The following TNRC6B variants were observed in gnomAD, a reference collection of about 807,000 sequenced individuals.
The protein encoded by TNRC6B is trinucleotide repeat-containing gene 6B protein.
Under a neutral mutation model 203.6 loss-of-function variants are expected in TNRC6B, and 52 were observed. The observed-to-expected ratio is 0.26, with a 90% CI of 0.20 to 0.32. The LOEUF (loss-of-function observed/expected upper bound fraction) is 0.32. TNRC6B is among the 10% of genes least tolerant of loss of function. The pLI, the probability that TNRC6B is intolerant of heterozygous loss-of-function variation, is 1.00. For missense variants in TNRC6B, 1,923 were observed against 2,286.2 expected (o/e 0.84, Z 3.24); for synonymous variants, 838 against 845.7 (o/e 0.99, Z 0.16).
At chr22:40,234,372 T>G (rs2069920606) in intron 1 of TNRC6B, among the ~76,000 whole-genome samples, 1 of 152,276 alleles carries the variant, frequency 6.6e-6, no homozygotes, top group African/African-American at 2.4e-5. Flanking sequence ...TTGATATTAA[T>G]GAGATTTTAA....
rs563789790 is a variant in TNRC6B at position 40,251,065 on chromosome 22, A to G, written c.94-114A>G. 3.9e-6 allele frequency: 3 copies of G among 772,266 alleles called. No individual in the cohort carries two copies. In the South Asian group the frequency reaches 7.1e-5, roughly 18 times the overall value. 47.8% of individuals were successfully genotyped at this position (772,266 alleles called of 1,614,324 possible). ...CAGCTCCTTTTTCTGGATTTCAGCT[A>G]TGCCTGTGTGCCTGACAGCTTGGAT... On this transcript the variant is annotated intron_variant, in intron 2 of 22. Transcript: ENST00000454349.
chr22:40,100,620 A>G (rs1037297685), intron 1 of TNRC6B, among the ~76,000 whole-genome samples: 2 of 152,216 alleles, frequency 1.3e-5, no homozygotes, highest in African/African-American at 4.8e-5. Context: ...TCCTAGCCTC[A>G]GGCGATTCTC....
At chr22:40,163,446 G>T (rs1231047545) in intron 4 of TNRC6B, among the ~76,000 whole-genome samples, 2 of 74,084 alleles carry the variant, frequency 2.7e-5, no homozygotes, top group Non-Finnish European at 5.1e-5. Context: ...GACAGAATGA[G>T]ACCCTGTCTC....
intron 12 of TNRC6B, among the ~76,000 whole-genome samples, chr22:40,294,455 C>G (rs549454986): frequency 6.6e-6 from 1 of 152,282 alleles, no homozygotes; most frequent in African/African-American, 2.4e-5. Flanking sequence ...TGGATTAGGG[C>G]CCACCCTAAT....
chr22:40,250,542 A>G (rs1569037969), intron 2 of TNRC6B, among the ~76,000 whole-genome samples: 2 of 152,102 alleles, frequency 1.3e-5, no homozygotes, highest in African/African-American at 2.4e-5. Context: ...ATGCTATTTT[A>G]TATAAGTGTT....
chr22:40,160,463 T>G, intron 4 of TNRC6B, among the ~76,000 whole-genome samples: 1 of 113,662 alleles, frequency 8.8e-6, no homozygotes, highest in African/African-American at 4.1e-5. Flanking sequence ...GCAACAAGAG[T>G]GAAACTCCGT....
intron 1 of TNRC6B, among the ~76,000 whole-genome samples, chr22:40,202,826 G>C (rs1390219878): frequency 6.6e-6 from 1 of 152,110 alleles, no homozygotes; most frequent in Non-Finnish European, 1.5e-5. Flanking sequence ...TTACCTCAGA[G>C]TCTGCACTAC....
intron 7 of TNRC6B, among the ~76,000 whole-genome samples, chr22:40,275,081 A>G (rs977096745): frequency 1.3e-5 from 2 of 152,184 alleles, no homozygotes; most frequent in Non-Finnish European, 2.9e-5. Context: ...CCCTTTGCCT[A>G]TAGGACACTA....
At chr22:40,296,436 A>G (rs2070942949) in intron 12 of TNRC6B, among the ~76,000 whole-genome samples, 1 of 146,200 alleles carries the variant, frequency 6.8e-6, no homozygotes, top group Non-Finnish European at 1.5e-5. Context: ...GGTTCATGCC[A>G]TTCTCCTGCC....
intron 15 of TNRC6B, among the ~76,000 whole-genome samples, chr22:40,303,379 T>A (rs1331935572): frequency 6.6e-6 from 1 of 152,166 alleles, no homozygotes; most frequent in African/African-American, 2.4e-5. Flanking sequence ...TACACATATA[T>A]ACGTATTTAC....
Position 40,318,358 on chromosome 22 carries a change from T to C in TNRC6B, c.4974+2346T>C, listed in dbSNP as rs546851635. 1.8e-4 allele frequency among the ~76,000 whole-genome samples: 27 copies of C among 152,126 alleles called. No individual in the cohort carries two copies. In the South Asian group the frequency reaches 3.7e-3, roughly 21 times the overall value. On this transcript the variant is annotated intron_variant, in intron 21 of 22. Transcript: ENST00000454349. ...GTCAGGCAATCGAGACCATCCTGGC[T>C]AACATGGTGAAACCCCATCTTTACT... is the stretch of plus-strand genomic sequence containing the variant.
chr22:40,321,643 A>C, intron 22 of TNRC6B: 1 of 170,166 alleles, frequency 5.9e-6, no homozygotes, highest in South Asian at 1.5e-4. Flanking sequence ...AAAATCAGCC[A>C]GGCGTGGGGG....
intron 1 of TNRC6B, among the ~76,000 whole-genome samples, chr22:40,244,422 G>T (rs909416534): frequency 7.2e-5 from 11 of 151,870 alleles, no homozygotes; most frequent in Non-Finnish European, 1.6e-4. Flanking sequence ...TTTGAATGCA[G>T]ACAAAGTCAG....
intron 1 of TNRC6B, among the ~76,000 whole-genome samples, chr22:40,056,136 A>G (rs2067793275): frequency 6.6e-6 from 1 of 152,010 alleles, no homozygotes; most frequent in Admixed American, 6.6e-5. Flanking sequence ...CATCCACCCC[A>G]TCTCTAGCCA....
At chr22:40,247,827 T>C (rs2070129377) in intron 2 of TNRC6B, among the ~76,000 whole-genome samples, 1 of 152,158 alleles carries the variant, frequency 6.6e-6, no homozygotes, top group Non-Finnish European at 1.5e-5. Flanking sequence ...CCCAACACTT[T>C]GGGAGGCCAA....
At chr22:40,277,274 GTTCTTGAC>G in intron 8 of TNRC6B, 123 bp downstream of exon 8, 1 of 611,958 alleles carries the variant, frequency 1.6e-6, no homozygotes, top group Admixed American at 3.8e-5. Flanking sequence ...GTTAAGCAAT[GTTCTTGAC>G]CTTTTGAGTT....
intron 1 of TNRC6B, among the ~76,000 whole-genome samples, chr22:40,050,674 A>G (rs976533982): frequency 2.0e-5 from 3 of 152,046 alleles, no homozygotes; most frequent in East Asian, 1.9e-4. Context: ...ATTCAGGACC[A>G]TGTCTGTTTT....
intron 1 of TNRC6B, among the ~76,000 whole-genome samples, chr22:40,065,241 G>A (rs971584272): frequency 1.3e-5 from 2 of 152,064 alleles, no homozygotes; most frequent in Non-Finnish European, 2.9e-5. Flanking sequence ...TGAACTCCTA[G>A]GCTCAAGTGA....
chr22:40,143,634 C>T (rs2068663786), intron 3 of TNRC6B, among the ~76,000 whole-genome samples: 3 of 152,026 alleles, frequency 2.0e-5, no homozygotes, highest in South Asian at 4.2e-4. Flanking sequence ...GTAGCTGGGA[C>T]TACAGGCGCC....
Sources: gnomAD v4.1 joint callset for allele counts (sites outside exome capture counted in the v4.1 genomes callset) on GRCh38, gnomAD v4.1.1 for gene constraint, MANE v1.5 for transcripts, NCBI Gene and HGNC (gene_info 2026-07-23, HGNC 2026-07-21) for gene names.